LRBA: variants seen among roughly 807,000 people sequenced by gnomAD.
LRBA encodes the protein LPS responsive beige-like anchor protein, also known as lipopolysaccharide-responsive and beige-like anchor protein.
Under a neutral mutation model 330.0 loss-of-function variants are expected in LRBA, and 176 were observed. The observed-to-expected ratio is 0.53, with a 90% CI of 0.47 to 0.60. The LOEUF is 0.60. Among genes scored for constraint, LRBA ranks in the 20% least tolerant of loss-of-function variants. The pLI, the probability that LRBA is intolerant of heterozygous loss-of-function variation, is 0.00. For synonymous variants in LRBA, 1,230 were observed against 1,193.0 expected, an observed-to-expected ratio of 1.03 and a Z score of -0.64; for missense variants, 3,259 against 3,444.8, an observed-to-expected ratio of 0.95 and a Z score of 1.35.
chr4:150,674,186 G>A (rs939157715), intron 37 of LRBA, among the ~76,000 whole-genome samples: 3 of 150,254 alleles, frequency 2.0e-5, no homozygotes, highest in African/African-American at 7.3e-5. Flanking sequence ...TTTTGGTTTT[G>A]GGGTTTTTTT....
intron 40 of LRBA, among the ~76,000 whole-genome samples, chr4:150,492,410 C>T (rs1759073073): frequency 6.6e-6 from 1 of 151,976 alleles, no homozygotes; most frequent in African/African-American, 2.4e-5. Flanking sequence ...ATATAATCAA[C>T]GCCTATGTAA....
intron 40 of LRBA, among the ~76,000 whole-genome samples, chr4:150,506,527 ACC>A (rs1189982650): frequency 6.6e-6 from 1 of 152,086 alleles, no homozygotes; most frequent in African/African-American, 2.4e-5. Context: ...AAATTCAACA[ACC>A]CTTCATGCTA....
chr4:150,909,552 C>G (rs1336621531), intron 9 of LRBA, among the ~76,000 whole-genome samples: 3 of 152,108 alleles, frequency 2.0e-5, no homozygotes, highest in Non-Finnish European at 4.4e-5. Context: ...ATGTGGGTTA[C>G]TTCTATCTCT....
intron 40 of LRBA, among the ~76,000 whole-genome samples, chr4:150,523,311 C>G (rs1242467476): frequency 6.6e-6 from 1 of 152,044 alleles, no homozygotes; most frequent in Non-Finnish European, 1.5e-5. Context: ...GTCATGAGGG[C>G]TCTGCCCTTA....
chr4:150,919,082 G>A (rs368577340), intron 5 of LRBA, among the ~76,000 whole-genome samples: 3 of 152,184 alleles, frequency 2.0e-5, no homozygotes, highest in East Asian at 1.9e-4. Context: ...AAAAAGGAAT[G>A]AAGTACTGAT....
chr4:150,581,115 G>A (rs9993229), intron 40 of LRBA: 87,436 of 181,090 alleles, frequency 0.48, 22,157 homozygotes, highest in East Asian at 0.6. Context: ...TCTACGACAT[G>A]TAAGTTTGCA....
intron 46 of LRBA, among the ~76,000 whole-genome samples, chr4:150,432,317 G>C (rs1211194419): frequency 1.3e-5 from 2 of 151,740 alleles, no homozygotes; most frequent in Non-Finnish European, 2.9e-5. Context: ...CATTTCTTTA[G>C]TATTTCTAGG....
intron 9 of LRBA, 68 bp downstream of exon 9, chr4:150,914,127 C>G: frequency 7.7e-7 from 1 of 1,297,056 alleles, no homozygotes; most frequent in East Asian, 2.5e-5. Flanking sequence ...CCAAACTCTC[C>G]ATGTATAACC....
chr4:150,472,410 CA>C (rs1197092129), intron 42 of LRBA, among the ~76,000 whole-genome samples: 1 of 151,862 alleles, frequency 6.6e-6, no homozygotes, highest in Non-Finnish European at 1.5e-5. Context: ...CTTTCTACCA[CA>C]AAAAACAAGG....
At chr4:150,898,456 C>A (rs919219960) in intron 14 of LRBA, among the ~76,000 whole-genome samples, 2 of 151,954 alleles carry the variant, frequency 1.3e-5, no homozygotes, top group African/African-American at 2.4e-5. Context: ...GCTTTTGAAA[C>A]CAAACACTCA....
intron 17 of LRBA, 28 bp from the exon 18 acceptor site, chr4:150,872,783 T>C: frequency 8.7e-7 from 1 of 1,148,930 alleles, no homozygotes; most frequent in African/African-American, 1.6e-5. Flanking sequence ...TAAAACAAAC[T>C]ATTTTGAGTA....
chr4:150,726,916 C>T (rs1729753567), intron 36 of LRBA, among the ~76,000 whole-genome samples: 1 of 148,050 alleles, frequency 6.8e-6, no homozygotes, highest in African/African-American at 2.5e-5. Context: ...AGATAGACTC[C>T]AATACAATAA....
chr4:150,290,668 C>G (rs1162141421), intron 53 of LRBA, among the ~76,000 whole-genome samples: 1 of 152,110 alleles, frequency 6.6e-6, no homozygotes, highest in Non-Finnish European at 1.5e-5. Flanking sequence ...CCAGAGAGCA[C>G]GTTTATGACT....
Position 150,867,706 on chromosome 4 carries a change from C to A in LRBA, c.2731G>T (p.Val911Leu). 1 of 1,613,510 alleles carries A rather than the reference C, an allele frequency of 6.2e-7. No individual in the cohort carries two copies. Among genetic ancestry groups the A allele is most frequent in the African/African-American group, 1.3e-5 (1 of 74,988 alleles). The change falls in exon 22 of 57, where the codon GTA becomes TTA. Residue 911 changes from valine (V) to leucine (L), a missense_variant. Transcript: ENST00000651943. The part of the protein sequence containing the change: ...AVKYEWGGWR[V>L]WVDTLSITHS... ...GTGATTGATAAAGTGTCTACCCATA[C>A]ACGCCAGCCACCCCACTCATATTTG...
At chr4:150,977,865 CA>C (rs1296908490) in intron 2 of LRBA, among the ~76,000 whole-genome samples, 2 of 152,188 alleles carry the variant, frequency 1.3e-5, no homozygotes, top group Non-Finnish European at 2.9e-5. Flanking sequence ...ACATCTTAGC[CA>C]CAGAATAGAG....
chr4:150,375,339 G>C lies in LRBA; in HGVS notation c.7195-25180C>G, dbSNP rs372295804. On this transcript the variant is annotated intron_variant, in intron 47 of 56. Coordinates refer to ENST00000651943, the MANE Select transcript of LRBA (RefSeq NM_001364905.1). ...TAATGACCTGGGGGGTAATGCTGGA[G>C]GATAATCAGAACACCTATTAATAAA... 1.8e-4 allele frequency among the ~76,000 whole-genome samples: 28 copies of C among 152,212 alleles called. 1 individual carries two copies. The highest frequency in any genetic ancestry group is 6.5e-4 in the African/African-American group (27 of 41,530).
chr4:150,969,488 C>T (rs753617744), intron 2 of LRBA, among the ~76,000 whole-genome samples: 2 of 152,108 alleles, frequency 1.3e-5, no homozygotes, highest in African/African-American at 2.4e-5. Context: ...AGCAAGAGAA[C>T]TAGATTGAGA....
At chr4:150,497,972 A>C (rs1401269238) in intron 40 of LRBA, among the ~76,000 whole-genome samples, 2 of 152,218 alleles carry the variant, frequency 1.3e-5, no homozygotes, top group Non-Finnish European at 2.9e-5. Flanking sequence ...ATTTCACTAG[A>C]AGACAGAAAT....
intron 40 of LRBA, among the ~76,000 whole-genome samples, chr4:150,559,917 TATAA>T (rs1768074075): frequency 2.8e-5 from 2 of 72,650 alleles, no homozygotes; most frequent in African/African-American, 5.4e-5. Flanking sequence ...ATATATAATA[TATAA>T]ATATAAATAT....
Sources: gnomAD v4.1 joint callset for allele counts (sites outside exome capture counted in the v4.1 genomes callset) on GRCh38, gnomAD v4.1.1 for gene constraint, MANE v1.5 for transcripts, NCBI Gene and HGNC (gene_info 2026-07-23, HGNC 2026-07-21) for gene names.